PHACTR3: variants seen among roughly 807,000 people sequenced by gnomAD.
PHACTR3 encodes the protein protein phosphatase 1, regulatory subunit 123.
In PHACTR3, 16 loss-of-function variants were observed where a neutral mutation model predicts 66.8. That is an observed-to-expected ratio of 0.24 (90% CI 0.16 to 0.36). The LOEUF is 0.36. PHACTR3 is among the 10% of genes least tolerant of loss of function. The probability of loss-of-function intolerance (pLI) is 1.00; values close to 1 mark genes in which losing one functional copy is unlikely to be tolerated. For missense variants in PHACTR3, 647 were observed against 719.9 expected, an observed-to-expected ratio of 0.90 and a Z score of 1.16; for synonymous variants, 323 against 292.1, an observed-to-expected ratio of 1.11 and a Z score of -1.08.
chr20:59,635,296 G>A (rs1342102877), intron 1 of PHACTR3, among the ~76,000 whole-genome samples: 2 of 142,964 alleles, frequency 1.4e-5, no homozygotes, highest in East Asian at 2.0e-4. Context: ...GTGCAATGGC[G>A]CAATCTCGGC....
At chr20:59,641,762 T>C (rs553378178) in intron 1 of PHACTR3, among the ~76,000 whole-genome samples, 1 of 152,348 alleles carries the variant, frequency 6.6e-6, no homozygotes, top group East Asian at 1.9e-4. Context: ...ATATATAATA[T>C]ATAATTATCC....
In PHACTR3 at chr20:59,592,446, C is replaced by T. The variant is rs138332719; in HGVS notation, c.109+14829C>T. Among the ~76,000 whole-genome samples the T allele has an allele frequency of 8.3e-4, 127 of 152,306 alleles. 1 individual carries two copies. The highest frequency in any genetic ancestry group is 2.6e-3 in the African/African-American group (110 of 41,548). On this transcript the variant is annotated intron_variant, in intron 1 of 12. Coordinates refer to the PHACTR3 transcript ENST00000359926. ...GTTACAACTGATGCACCTACATGGA[C>T]GCAGGAAGATCACCCACAGTCCCTG...
At chr20:59,845,135 A>T (rs2059126968) in intron 11 of PHACTR3, 54 bp from the exon 12 acceptor site, 3 of 1,137,786 alleles carry the variant, frequency 2.6e-6, no homozygotes, top group Non-Finnish European at 3.9e-6. Context: ...CACGATGCTA[A>T]TTTCCTGATT....
intron 1 of PHACTR3, among the ~76,000 whole-genome samples, chr20:59,579,139 G>A (rs182282509): frequency 1.3e-5 from 2 of 152,352 alleles, no homozygotes; most frequent in Admixed American, 6.5e-5. Context: ...GGGAAAGGGC[G>A]TTCCCAGTCC....
chr20:59,717,135 A>G (rs2038122893), intron 1 of PHACTR3, among the ~76,000 whole-genome samples: 1 of 152,256 alleles, frequency 6.6e-6, no homozygotes, highest in African/African-American at 2.4e-5. Context: ...TTTTGTTTCC[A>G]ACACAAACAG....
chr20:59,635,123 C>CTTTCT (rs2034809102), intron 1 of PHACTR3, among the ~76,000 whole-genome samples: 2 of 71,990 alleles, frequency 2.8e-5, no homozygotes, highest in African/African-American at 1.1e-4. Flanking sequence ...TTCTTTCTTT[C>CTTTCT]TTTCTTTCTT....
intron 1 of PHACTR3, among the ~76,000 whole-genome samples, chr20:59,650,689 T>C (rs1227917723): frequency 6.7e-6 from 1 of 150,266 alleles, no homozygotes; most frequent in African/African-American, 2.5e-5. Context: ...GAAAATCACA[T>C]TTGTAAGTGG....
chr20:59,723,302 C>T (rs1030596318), intron 1 of PHACTR3, among the ~76,000 whole-genome samples: 16 of 152,004 alleles, frequency 1.1e-4, no homozygotes, highest in Non-Finnish European at 2.2e-4. Context: ...TTCCCCTTTC[C>T]CTACCCCTGG....
intron 1 of PHACTR3, among the ~76,000 whole-genome samples, chr20:59,723,086 C>CTTTCTT (rs2038400448): frequency 7.1e-6 from 1 of 141,662 alleles, no homozygotes; most frequent in Non-Finnish European, 1.5e-5. Flanking sequence ...TTCTTTCTTT[C>CTTTCTT]TTTCTTTCTT....
intron 1 of PHACTR3, among the ~76,000 whole-genome samples, chr20:59,698,540 A>G (rs1166578368): frequency 1.3e-5 from 2 of 152,194 alleles, no homozygotes; most frequent in Admixed American, 6.5e-5. Flanking sequence ...AGTTTTGTGC[A>G]TTTGATATAT....
intron 1 of PHACTR3, among the ~76,000 whole-genome samples, chr20:59,691,537 A>G (rs987538195): frequency 6.6e-6 from 1 of 152,170 alleles, no homozygotes; most frequent in Admixed American, 6.5e-5. Context: ...ACAAAGCCAC[A>G]TTGTTTTAAT....
In PHACTR3 at chr20:59,830,655, A is replaced by G. The variant is rs542512214; in HGVS notation, c.1329-5850A>G. Reference sequence around the variant, plus strand: ...CTGGGCTCAGCACGCCAGGTGAATAATATCAGTGCTATAGTAGTAATGATG... The same window carrying G: ...CTGGGCTCAGCACGCCAGGTGAATAGTATCAGTGCTATAGTAGTAATGATG... On this transcript the variant is annotated intron_variant, in intron 8 of 12. Coordinates refer to ENST00000371015, the MANE Select transcript of PHACTR3 (RefSeq NM_080672.5). The surrounding 1 kb of genome is among the most constrained non-coding windows in gnomAD (Gnocchi z 5.8). Among the ~76,000 whole-genome samples, 2 of 152,292 alleles carry G rather than the reference A, an allele frequency of 1.3e-5. No individual in the cohort carries two copies. The highest frequency in any genetic ancestry group is 2.1e-4 in the South Asian group (1 of 4,828).
At position 59,793,826 on chromosome 20, in the gene PHACTR3, A is replaced by G. The variant is rs1457740638; in HGVS notation, c.1175-12215A>G. 6.6e-5 allele frequency among the ~76,000 whole-genome samples: 10 copies of G among 152,050 alleles called. No individual in the cohort carries two copies. The East Asian group carries it at 1.9e-3, about 29-fold the overall frequency. ...GTATTTTGTTGAATGAAAGTAGTAA[A>G]AGTGGGCATCCTTAGCTGGGCATGG... On this transcript the variant is annotated intron_variant, in intron 7 of 12. Coordinates refer to ENST00000371015, the MANE Select transcript of PHACTR3 (RefSeq NM_080672.5).
At chr20:59,656,154 T>C (rs1219566184) in intron 1 of PHACTR3, among the ~76,000 whole-genome samples, 3 of 151,906 alleles carry the variant, frequency 2.0e-5, no homozygotes, top group Non-Finnish European at 4.4e-5. Context: ...GTCTGTCATA[T>C]GGTATATAGT....
intron 1 of PHACTR3, among the ~76,000 whole-genome samples, chr20:59,672,702 A>G (rs1461059662): frequency 6.6e-6 from 1 of 152,142 alleles, no homozygotes; most frequent in African/African-American, 2.4e-5. Context: ...GTCTCCTGAG[A>G]CACCACTGTG....
chr20:59,595,734 T>C (rs947963210), intron 1 of PHACTR3, among the ~76,000 whole-genome samples: 3 of 152,214 alleles, frequency 2.0e-5, no homozygotes, highest in African/African-American at 7.2e-5. Context: ...TTTGAAGTTC[T>C]GTCAATTTTT....
chr20:59,740,431 C>T (rs2039111651), intron 1 of PHACTR3, among the ~76,000 whole-genome samples: 1 of 152,118 alleles, frequency 6.6e-6, no homozygotes, highest in Non-Finnish European at 1.5e-5. Flanking sequence ...GTCTCCGACT[C>T]TTAAGTAGCA....
chr20:59,753,172 T>TTGCAGCACGGGGGA (rs760570703), intron 3 of PHACTR3, among the ~76,000 whole-genome samples: 191 of 149,498 alleles, frequency 1.3e-3, no homozygotes, highest in Non-Finnish European at 1.9e-3. Flanking sequence ...AAATCAAGGG[T>TTGCAGCACGGGGGA]TGCAGCACGG....
At chr20:59,668,178 A>C (rs529904466) in intron 1 of PHACTR3, among the ~76,000 whole-genome samples, 2 of 152,192 alleles carry the variant, frequency 1.3e-5, no homozygotes, top group East Asian at 3.9e-4. Context: ...ACGGGGTTAG[A>C]GGTGGGCACG....
Sources: gnomAD v4.1 joint callset for allele counts (sites outside exome capture counted in the v4.1 genomes callset) on GRCh38, gnomAD v4.1.1 for gene constraint, Gnocchi (gnomAD v3.1) non-coding constraint, MANE v1.5 for transcripts, NCBI Gene and HGNC (gene_info 2026-07-23, HGNC 2026-07-21) for gene names.